Variants in MCTP2 observed in about 807,000 individuals in gnomAD.
MCTP2 encodes the protein multiple C2 and transmembrane domain-containing protein 2.
Under a neutral mutation model 111.6 loss-of-function variants are expected in MCTP2, and 132 were observed. That is an observed-to-expected ratio of 1.18 (90% CI 1.03 to 1.37). The LOEUF (loss-of-function observed/expected upper bound fraction) is 1.37. Ranked by LOEUF, MCTP2 falls within the 40% of genes most tolerant of loss-of-function variation. The probability of loss-of-function intolerance (pLI) is 0.00; values close to 1 mark genes in which losing one functional copy is unlikely to be tolerated. For synonymous variants in MCTP2, 395 were observed against 387.7 expected (o/e 1.02, Z -0.22); for missense variants, 1,183 against 1,067.9 (o/e 1.11, Z -1.50).
chr15:94,449,748 A>G (rs2084327620), intron 19 of MCTP2, among the ~76,000 whole-genome samples: 1 of 152,198 alleles, frequency 6.6e-6, no homozygotes, highest in Non-Finnish European at 1.5e-5. Context: ...AACTTGTTCC[A>G]TTGCTGAATC....
intron 4 of MCTP2, among the ~76,000 whole-genome samples, chr15:94,319,778 T>G (rs896835901): frequency 1.3e-5 from 2 of 152,254 alleles, no homozygotes; most frequent in Non-Finnish European, 2.9e-5. Context: ...TATAATTTAA[T>G]TTAGTATTAA....
At chr15:94,266,170 G>A (rs2073518238) in intron 1 of MCTP2, among the ~76,000 whole-genome samples, 1 of 152,196 alleles carries the variant, frequency 6.6e-6, no homozygotes, top group South Asian at 2.1e-4. Flanking sequence ...TTGCTGCACT[G>A]TGATCATTAC....
rs112726308 is a variant in MCTP2 at position 94,362,175 on chromosome 15, T to C, written c.1301+3563T>C. Among the ~76,000 whole-genome samples the C allele has an allele frequency of 5.0e-3, 762 of 152,232 alleles. 5 individuals carry two copies. Among genetic ancestry groups the C allele is most frequent in the African/African-American group, 0.015 (639 of 41,546 alleles). On this transcript the variant is annotated intron_variant, in intron 10 of 22. Transcript: ENST00000357742. Reference sequence around the variant, plus strand: ...AAGCAAAAAAGCATCTGATCTTAGATAGAAACAGTGAGCTTTTAGGGAAGA... The same window carrying C: ...AAGCAAAAAAGCATCTGATCTTAGACAGAAACAGTGAGCTTTTAGGGAAGA...
rs559120694 is a variant in MCTP2, at chr15:94,297,654, AC to A, written c.-65-546del. Among the ~76,000 whole-genome samples the A allele has an allele frequency of 1.5e-3, 234 of 152,332 alleles. 1 individual carries two copies. The highest frequency in any genetic ancestry group is 5.5e-3 in the African/African-American group (229 of 41,574). ...TGGGTTTGCAAAGTTTTATTACAAC[AC>A]AGCCACATTCTTTCATTTAGGTATT... On this transcript the variant is annotated intron_variant, in intron 1 of 22. Transcript: ENST00000357742.
chr15:94,372,121 T>C (rs940852161), intron 12 of MCTP2, among the ~76,000 whole-genome samples: 1 of 152,214 alleles, frequency 6.6e-6, no homozygotes, highest in Non-Finnish European at 1.5e-5. Flanking sequence ...AGTTTTGGAG[T>C]GCATGAAGGT....
At chr15:94,287,017 G>A (rs2074790951) in intron 1 of MCTP2, among the ~76,000 whole-genome samples, 1 of 152,166 alleles carries the variant, frequency 6.6e-6, no homozygotes, top group Admixed American at 6.5e-5. Context: ...TTGAGTCATG[G>A]TAGAAAATGG....
intron 2 of MCTP2, among the ~76,000 whole-genome samples, chr15:94,305,511 A>G (rs966263473): frequency 1.2e-4 from 18 of 152,214 alleles, no homozygotes; most frequent in African/African-American, 3.9e-4. Context: ...ATGGGAGTGT[A>G]TATATATACC....
chr15:94,318,780 A>C (rs543450208), intron 4 of MCTP2, among the ~76,000 whole-genome samples: 1 of 152,188 alleles, frequency 6.6e-6, no homozygotes, highest in Non-Finnish European at 1.5e-5. Flanking sequence ...CGTTGCACAC[A>C]TCGGAAAATG....
intron 19 of MCTP2, among the ~76,000 whole-genome samples, chr15:94,450,750 G>A (rs2084394681): frequency 6.6e-6 from 1 of 152,160 alleles, no homozygotes; most frequent in South Asian, 2.1e-4. Context: ...TTCATCCTGT[G>A]ACAAATACTA....
intron 14 of MCTP2, among the ~76,000 whole-genome samples, chr15:94,390,320 A>G (rs574543151): frequency 1.5e-3 from 234 of 152,136 alleles, no homozygotes; most frequent in Non-Finnish European, 2.2e-3. Context: ...AAGACTTCTA[A>G]TATTTGCTCA....
In MCTP2 at chr15:94,241,270, A is replaced by G. The variant is rs928365879; in HGVS notation, c.-66+9606A>G. 3.9e-5 allele frequency among the ~76,000 whole-genome samples: 6 copies of G among 152,198 alleles called. No homozygotes were observed. In the East Asian group the frequency reaches 1.2e-3, roughly 29 times the overall value. On this transcript the variant is annotated intron_variant, in intron 1 of 22. Transcript: ENST00000357742. Reference sequence around the variant, plus strand: ...AACCCTACAATCTGATGTGCCGGGCACAGCCTCATCTGCTTTTGAGAACAC... The same window carrying G: ...AACCCTACAATCTGATGTGCCGGGCGCAGCCTCATCTGCTTTTGAGAACAC...
chr15:94,474,534 G>C (rs1004265129), intron 21 of MCTP2, among the ~76,000 whole-genome samples: 1 of 152,098 alleles, frequency 6.6e-6, no homozygotes, highest in Non-Finnish European at 1.5e-5. Flanking sequence ...GTATTCCTAC[G>C]TCACAACCTT....
intron 17 of MCTP2, among the ~76,000 whole-genome samples, chr15:94,436,642 C>T (rs939364165): frequency 1.3e-5 from 2 of 152,148 alleles, no homozygotes; most frequent in African/African-American, 4.8e-5. Context: ...AAACAACCAT[C>T]TCCTTAATAC....
intron 17 of MCTP2, among the ~76,000 whole-genome samples, chr15:94,412,099 T>G (rs1259837724): frequency 6.6e-6 from 1 of 152,224 alleles, no homozygotes; most frequent in African/African-American, 2.4e-5. Flanking sequence ...GCTTTCATGG[T>G]CAGTCTGAGG....
At chr15:94,238,001 G>A (rs1260608510) in intron 1 of MCTP2, among the ~76,000 whole-genome samples, 1 of 151,462 alleles carries the variant, frequency 6.6e-6, no homozygotes, top group Non-Finnish European at 1.5e-5. Flanking sequence ...ACGCCTTTTT[G>A]AACCAAACCA....
chr15:94,264,514 C>T (rs1023803165), intron 1 of MCTP2, among the ~76,000 whole-genome samples: 4 of 151,972 alleles, frequency 2.6e-5, no homozygotes, highest in African/African-American at 9.7e-5. Flanking sequence ...GAGGCTGAGG[C>T]AGGAGAATGG....
chr15:94,425,222 C>T (rs1044985377), intron 17 of MCTP2, among the ~76,000 whole-genome samples: 2 of 152,140 alleles, frequency 1.3e-5, no homozygotes, highest in Non-Finnish European at 2.9e-5. Context: ...TCTGCCTTTT[C>T]TCAATGATCT....
chr15:94,355,092 G>A (rs997088291), intron 8 of MCTP2, among the ~76,000 whole-genome samples: 7 of 151,916 alleles, frequency 4.6e-5, no homozygotes, highest in African/African-American at 1.2e-4. Context: ...TGGGGATCCC[G>A]ACTCAGACAA....
At chr15:94,241,378 A>C (rs75891226) in intron 1 of MCTP2, among the ~76,000 whole-genome samples, 3,892 of 152,168 alleles carry the variant, frequency 0.026, 138 homozygotes, top group African/African-American at 0.088. Flanking sequence ...TTTTGTTTAA[A>C]CTATTTTCTA....
Sources: allele counts gnomAD v4.1 joint callset (sites outside exome capture counted in the v4.1 genomes callset), GRCh38; gene constraint gnomAD v4.1.1; transcripts MANE v1.5; gene names NCBI Gene and HGNC (gene_info 2026-07-23, HGNC 2026-07-21).